Variants in CACNG5 observed in about 807,000 individuals in gnomAD.
CACNG5 encodes calcium voltage-gated channel auxiliary subunit gamma 5, also known as voltage-dependent calcium channel gamma-5 subunit.
Under a neutral mutation model 24.8 loss-of-function variants are expected in CACNG5, and 18 were observed. The ratio of observed to expected loss-of-function variants is 0.73; its 90% CI spans 0.50 to 1.08. CACNG5 has a LOEUF of 1.08. CACNG5 is among the 50% of genes least tolerant of loss of function. The pLI, the probability that CACNG5 is intolerant of heterozygous loss-of-function variation, is 0.00. For missense variants in CACNG5, 349 were observed against 367.9 expected, an observed-to-expected ratio of 0.95 and a Z score of 0.42; for synonymous variants, 157 against 149.1, an observed-to-expected ratio of 1.05 and a Z score of -0.39.
At chr17:66,884,420 G>C in intron 4 of CACNG5, 96 bp from the exon 5 acceptor site, 1 of 1,298,296 alleles carries the variant, frequency 7.7e-7, no homozygotes, top group Non-Finnish European at 1.1e-6. Context: ...AAGGCTGGTG[G>C]CTTTGCTCCT....
intron 1 of CACNG5, among the ~76,000 whole-genome samples, chr17:66,870,414 A>G (rs1335476300): frequency 6.6e-6 from 1 of 152,220 alleles, no homozygotes; most frequent in Non-Finnish European, 1.5e-5. Flanking sequence ...TTCCCCTCAA[A>G]GGGACAATTT....
At chr17:66,849,328 A>C (rs1976680619) in intron 1 of CACNG5, among the ~76,000 whole-genome samples, 1 of 151,594 alleles carries the variant, frequency 6.6e-6, no homozygotes, top group Admixed American at 6.6e-5. Flanking sequence ...GGGGAGCCGC[A>C]CTGGGACGGG....
At chr17:66,866,867 CATT>C (rs1976937981) in intron 1 of CACNG5, among the ~76,000 whole-genome samples, 1 of 152,184 alleles carries the variant, frequency 6.6e-6, no homozygotes, top group African/African-American at 2.4e-5. Context: ...TCCAGTCTAT[CATT>C]GATGGGCATT....
intron 1 of CACNG5, among the ~76,000 whole-genome samples, chr17:66,868,810 A>G (rs1459600403): frequency 6.6e-6 from 1 of 152,168 alleles, no homozygotes; most frequent in African/African-American, 2.4e-5. Context: ...CACCTTTTAT[A>G]TCATTAAACA....
chr17:66,839,187 C>T (rs561564106), intron 1 of CACNG5, among the ~76,000 whole-genome samples: 3 of 151,970 alleles, frequency 2.0e-5, no homozygotes, highest in African/African-American at 7.2e-5. Context: ...TTCTCAATCT[C>T]CTGAACTTGT....
chr17:66,862,423 CTCTG>C (rs1156511378), intron 1 of CACNG5, among the ~76,000 whole-genome samples: 1 of 151,598 alleles, frequency 6.6e-6, no homozygotes, highest in Non-Finnish European at 1.5e-5. Context: ...TTAGAGAGCT[CTCTG>C]TCTCTCTGTA....
rs1046679945 is a variant in CACNG5, at chr17:66,835,222, G to A, written c.-132G>A. 6.6e-6 allele frequency: 1 copy of A among 152,366 alleles called. No homozygotes were observed. Among genetic ancestry groups the A allele is most frequent in the Admixed American group, 6.5e-5 (1 of 15,288 alleles). The allele number at this position is 152,366 out of a possible 1,614,324, so 9.4% of individuals were successfully genotyped here. On this transcript the variant is annotated 5_prime_UTR_variant, in exon 1 of 6. Transcript: ENST00000533854. ...CCAGCCGGCGAGGGACATTGGACCA[G>A]GGTCGGGGGTCGCGGCCGCTCCAGC... is the stretch of plus-strand genomic sequence containing the variant.
rs559037584 is a variant in CACNG5, at chr17:66,893,710, T to C, written c.*8470T>C. Among the ~76,000 whole-genome samples the C allele has an allele frequency of 1.4e-4, 22 of 152,274 alleles. No individual in the cohort carries two copies. The highest frequency in any genetic ancestry group is 5.8e-4 in the East Asian group (3 of 5,174). On this transcript the variant is annotated 3_prime_UTR_variant, in exon 6 of 6. Transcript: ENST00000533854. ...GAGCAAATGGCCAGTGGGTGTGCCA[T>C]GGCAGGTGAGACCCGCCCCCCCAAC...
chr17:66,894,076 G>C lies in CACNG5; in HGVS notation c.*8836G>C, dbSNP rs774348555. 2.6e-5 allele frequency among the ~76,000 whole-genome samples: 4 copies of C among 152,136 alleles called. No individual in the cohort carries two copies. The highest frequency in any genetic ancestry group is 5.9e-5 in the Non-Finnish European group (4 of 68,026). On this transcript the variant is annotated 3_prime_UTR_variant, in exon 6 of 6. Transcript: ENST00000533854. ...CAGGGTTCTTGACACCTGTTGTCCTGTGTCCTCGTAAACACCATCCCGCCA... is the reference window on the plus strand; with the variant it reads ...CAGGGTTCTTGACACCTGTTGTCCTCTGTCCTCGTAAACACCATCCCGCCA...
In CACNG5 at chr17:66,891,772, T is replaced by C. The variant is rs1426484836; in HGVS notation, c.*6532T>C. On this transcript the variant is annotated 3_prime_UTR_variant, in exon 6 of 6. Transcript: ENST00000533854. ...AGGAACACATGAGAGATGGGATCTA[T>C]GGTAGCAACCACCTTTGAGAAACAC... is the stretch of plus-strand genomic sequence containing the variant. 6.6e-6 allele frequency among the ~76,000 whole-genome samples: 1 copy of C among 152,220 alleles called. No homozygotes were observed. Among genetic ancestry groups the C allele is most frequent in the Non-Finnish European group, 1.5e-5 (1 of 68,032 alleles).
In CACNG5 at chr17:66,884,513, C is replaced by A. The variant is rs1416003092; in HGVS notation, c.425-3C>A. On this transcript the variant is annotated splice_region_variant and splice_polypyrimidine_tract_variant and intron_variant, in intron 4 of 5. Coordinates refer to ENST00000533854, the MANE Select transcript of CACNG5 (RefSeq NM_145811.3). The stretch of plus-strand genomic sequence containing the variant: ...CATCCCCTCTCCCCTGCTGCCCAAC[C>A]AGGCCTCTCTCTCGTGGTGGGCCTG... 1.2e-6 allele frequency: 2 copies of A among 1,604,662 alleles called. No individual in the cohort carries two copies. Among genetic ancestry groups the A allele is most frequent in the Non-Finnish European group, 1.7e-6 (2 of 1,174,420 alleles).
At chr17:66,857,444 C>T (rs1976797672) in intron 1 of CACNG5, among the ~76,000 whole-genome samples, 1 of 152,094 alleles carries the variant, frequency 6.6e-6, no homozygotes, top group Admixed American at 6.5e-5. Flanking sequence ...TTTATAGCCA[C>T]TCTAAAAAAG....
chr17:66,865,425 T>C (rs570625800), intron 1 of CACNG5, among the ~76,000 whole-genome samples: 17 of 152,290 alleles, frequency 1.1e-4, no homozygotes, highest in African/African-American at 4.1e-4. Context: ...ATCAATAGTA[T>C]AGAGCTCTCA....
chr17:66,844,407 A>G (rs1018242225), intron 1 of CACNG5, among the ~76,000 whole-genome samples: 3 of 152,178 alleles, frequency 2.0e-5, no homozygotes, highest in African/African-American at 7.2e-5. Flanking sequence ...AGCTTCCTCA[A>G]TTCTAAAATG....
intron 1 of CACNG5, among the ~76,000 whole-genome samples, chr17:66,859,638 G>C (rs1301154282): frequency 6.6e-6 from 1 of 152,184 alleles, no homozygotes; most frequent in East Asian, 1.9e-4. Context: ...GCTAAAGCCA[G>C]ATTGGTTTCC....
chr17:66,855,283 C>T (rs757215737), intron 1 of CACNG5, among the ~76,000 whole-genome samples: 4 of 152,192 alleles, frequency 2.6e-5, no homozygotes, highest in Non-Finnish European at 4.4e-5. Context: ...ATTCTCTGAG[C>T]GGCTTTGCGG....
intron 1 of CACNG5, among the ~76,000 whole-genome samples, chr17:66,860,930 A>G (rs1009608592): frequency 1.4e-4 from 21 of 152,090 alleles, no homozygotes; most frequent in African/African-American, 5.1e-4. Flanking sequence ...CAATTCTTCC[A>G]ATGTGGCACA....
chr17:66,843,376 T>C (rs921085013), intron 1 of CACNG5, among the ~76,000 whole-genome samples: 1 of 152,230 alleles, frequency 6.6e-6, no homozygotes, highest in Non-Finnish European at 1.5e-5. Context: ...GGACGGAAGT[T>C]GCTCATGCTT....
intron 3 of CACNG5, among the ~76,000 whole-genome samples, chr17:66,880,159 C>T (rs1977136803): frequency 6.6e-6 from 1 of 152,152 alleles, no homozygotes; most frequent in South Asian, 2.1e-4. Context: ...TCAGAGCAAC[C>T]CCTTGCCCAA....
Sources: gnomAD v4.1 joint callset for allele counts (sites outside exome capture counted in the v4.1 genomes callset) on GRCh38, gnomAD v4.1.1 for gene constraint, MANE v1.5 for transcripts, NCBI Gene and HGNC (gene_info 2026-07-23, HGNC 2026-07-21) for gene names.